TRPS1: variants seen among roughly 807,000 people sequenced by gnomAD.
TRPS1 encodes zinc finger transcription factor Trps1.
TRPS1 carries 6 observed loss-of-function variants against 101.2 expected under a neutral mutation model. That is an observed-to-expected ratio of 0.06 (90% CI 0.03 to 0.12). TRPS1 has a LOEUF of 0.12. Ranked by LOEUF, TRPS1 falls within the 10% of genes least tolerant of loss-of-function variation. The pLI, the probability that TRPS1 is intolerant of heterozygous loss-of-function variation, is 1.00. For synonymous variants in TRPS1, 578 were observed against 589.8 expected (o/e 0.98, Z 0.29); for missense variants, 1,363 against 1,567.0 (o/e 0.87, Z 2.20).
intron 3 of TRPS1, among the ~76,000 whole-genome samples, chr8:115,616,006 A>T (rs1168656038): frequency 1.3e-5 from 2 of 151,656 alleles, no homozygotes; most frequent in Non-Finnish European, 2.9e-5. Flanking sequence ...AATTAGCTCT[A>T]AGCTAGCCAT....
chr8:115,455,828 A>G (rs1400070444), intron 5 of TRPS1, among the ~76,000 whole-genome samples: 1 of 130,178 alleles, frequency 7.7e-6, no homozygotes, highest in Non-Finnish European at 1.5e-5. Flanking sequence ...TCTGTCGCCC[A>G]GGCTGGAGTG....
intron 5 of TRPS1, among the ~76,000 whole-genome samples, chr8:115,467,503 T>C (rs1174210503): frequency 6.6e-6 from 1 of 152,154 alleles, no homozygotes; most frequent in African/African-American, 2.4e-5. Flanking sequence ...TTCTGAACTT[T>C]TCTGTGATTT....
At chr8:115,668,107 C>T in intron 1 of TRPS1, 1 of 605,284 alleles carries the variant, frequency 1.7e-6, no homozygotes, top group Non-Finnish European at 2.9e-6. Flanking sequence ...ATTTGTTTTT[C>T]CTCCTCCCCG....
chr8:115,534,163 A>G (rs1440846821), intron 5 of TRPS1, among the ~76,000 whole-genome samples: 1 of 150,602 alleles, frequency 6.6e-6, no homozygotes, highest in Non-Finnish European at 1.5e-5. Context: ...CACACTGGAG[A>G]TTGAAGATCT....
At chr8:115,426,727 G>T (rs1586262308) in intron 5 of TRPS1, among the ~76,000 whole-genome samples, 1 of 152,070 alleles carries the variant, frequency 6.6e-6, no homozygotes, top group East Asian at 1.9e-4. Context: ...ACTTTAACAT[G>T]GTCAAAAGCA....
In TRPS1 at chr8:115,587,135, A is replaced by T; in HGVS notation, c.2566T>A (p.Tyr856Asn). The T allele has an allele frequency of 6.2e-7, 1 of 1,614,132 alleles. No individual in the cohort carries two copies. The highest frequency in any genetic ancestry group is 8.5e-7 in the Non-Finnish European group (1 of 1,180,010). ...CCCTTGGTTTCCACAGCCAAGCCAT[A>T]AATAGGTCGCGCCAGATGGGCGGCC... ...VEAAHLARPI[Y>N]GLAVETKGFL... Residue 856 changes from tyrosine (Y) to asparagine (N), a missense_variant, in exon 5 of 7, where the codon TAT becomes AAT. By Grantham distance (143) the Tyr-to-Asn change is moderately radical. Coordinates refer to ENST00000395715, the MANE Select transcript of TRPS1 (RefSeq NM_014112.5).
chr8:115,461,118 C>A (rs1238206118), intron 5 of TRPS1, among the ~76,000 whole-genome samples: 1 of 151,996 alleles, frequency 6.6e-6, no homozygotes. Context: ...AATGAAAAAT[C>A]TGGGAATTGT....
At chr8:115,552,880 C>T (rs1307462634) in intron 5 of TRPS1, among the ~76,000 whole-genome samples, 2 of 151,928 alleles carry the variant, frequency 1.3e-5, no homozygotes, top group Non-Finnish European at 2.9e-5. Context: ...AAACTTTAAT[C>T]CTGGCAATAT....
At chr8:115,444,697 T>C (rs149463623) in intron 5 of TRPS1, among the ~76,000 whole-genome samples, 2 of 152,336 alleles carry the variant, frequency 1.3e-5, no homozygotes, top group Non-Finnish European at 2.9e-5. Flanking sequence ...GAATTGTGTC[T>C]CATCATCTCA....
rs1388812474 is a variant in TRPS1, at chr8:115,650,351, T to C, written c.-122+18194A>G. On this transcript the variant is annotated intron_variant, in intron 1 of 6. Transcript: ENST00000395715. ...CTAGGAAGCTTTGGAATGTTTTGTT[T>C]TTAAAGAAGGCATAGATAAGTGCAA... Among the ~76,000 whole-genome samples, 3 of 152,336 alleles carry C rather than the reference T, an allele frequency of 2.0e-5. No homozygotes were observed. The East Asian group carries it at 5.8e-4, about 29-fold the overall frequency.
chr8:115,488,393 T>C (rs1814938838), intron 5 of TRPS1, among the ~76,000 whole-genome samples: 2 of 152,178 alleles, frequency 1.3e-5, no homozygotes, highest in African/African-American at 2.4e-5. Flanking sequence ...GCCTGTGTGA[T>C]ATAAATAAGA....
intron 5 of TRPS1, among the ~76,000 whole-genome samples, chr8:115,562,529 A>AAACAATACTG (rs1265236772): frequency 1.3e-5 from 2 of 151,756 alleles, no homozygotes; most frequent in Admixed American, 6.6e-5. Context: ...AAAAAAGCTT[A>AAACAATACTG]AACAATACTG....
chr8:115,574,681 T>C (rs1817277094), intron 5 of TRPS1, among the ~76,000 whole-genome samples: 1 of 152,062 alleles, frequency 6.6e-6, no homozygotes, highest in Non-Finnish European at 1.5e-5. Context: ...CTTCATGTGC[T>C]CACCAAAACA....
chr8:115,563,300 G>A (rs1816991682), intron 5 of TRPS1, among the ~76,000 whole-genome samples: 1 of 151,830 alleles, frequency 6.6e-6, no homozygotes, highest in African/African-American at 2.4e-5. Flanking sequence ...ACCACTTAGG[G>A]CACAGGCAAC....
chr8:115,438,986 T>C (rs1227692368), intron 5 of TRPS1, among the ~76,000 whole-genome samples: 5 of 152,194 alleles, frequency 3.3e-5, no homozygotes, highest in African/African-American at 1.2e-4. Context: ...CATTTTTCTA[T>C]AAACCAGTGT....
chr8:115,523,998 C>T (rs1319121106), intron 5 of TRPS1, among the ~76,000 whole-genome samples: 2 of 152,142 alleles, frequency 1.3e-5, no homozygotes, highest in Non-Finnish European at 2.9e-5. Flanking sequence ...CACTATTTCA[C>T]AACAATTTTA....
chr8:115,659,450 T>C (rs1253572160), intron 1 of TRPS1, among the ~76,000 whole-genome samples: 1 of 151,686 alleles, frequency 6.6e-6, no homozygotes, highest in Non-Finnish European at 1.5e-5. Flanking sequence ...GTAAAACATA[T>C]CATTTTAAAA....
At chr8:115,471,195 A>C (rs1814460272) in intron 5 of TRPS1, among the ~76,000 whole-genome samples, 1 of 152,138 alleles carries the variant, frequency 6.6e-6, no homozygotes. Flanking sequence ...GAAGCGCCTG[A>C]GATTGGGTAA....
intron 5 of TRPS1, among the ~76,000 whole-genome samples, chr8:115,533,434 C>CTGTTTTTT (rs1554583371): frequency 1.7e-3 from 56 of 32,328 alleles, no homozygotes; most frequent in Non-Finnish European, 2.9e-3. Context: ...CACATGTAAT[C>CTGTTTTTT]TGTTTTTTTT....
Sources: allele counts gnomAD v4.1 joint callset (sites outside exome capture counted in the v4.1 genomes callset), GRCh38; gene constraint gnomAD v4.1.1; transcripts MANE v1.5; gene names NCBI Gene and HGNC (gene_info 2026-07-23, HGNC 2026-07-21).